Variants in KCNC2 observed in about 807,000 individuals in gnomAD.
The protein encoded by KCNC2 is potassium voltage-gated channel subfamily C member 2.
Under a neutral mutation model 44.5 loss-of-function variants are expected in KCNC2, and 21 were observed. The observed-to-expected ratio is 0.47, with a 90% CI of 0.33 to 0.68. The LOEUF (loss-of-function observed/expected upper bound fraction) is 0.68. Ranked by LOEUF, KCNC2 falls within the 30% of genes least tolerant of loss-of-function variation. The pLI is 0.01. For missense variants in KCNC2, 589 were observed against 826.2 expected (o/e 0.71, Z 3.52); for synonymous variants, 391 against 339.1 (o/e 1.15, Z -1.68).
intron 4 of KCNC2, 106 bp downstream of exon 4, chr12:75,048,047 G>C (rs1353706565): frequency 1.0e-6 from 1 of 964,688 alleles, no homozygotes; most frequent in African/African-American, 1.7e-5. Context: ...AGCACTGTAC[G>C]CAGTCTTTCC....
chr12:75,145,610 T>A (rs1245662975), intron 2 of KCNC2, among the ~76,000 whole-genome samples: 1 of 152,136 alleles, frequency 6.6e-6, no homozygotes, highest in East Asian at 1.9e-4. Flanking sequence ...GTTTTTCTCA[T>A]ATTTATTTTC....
intron 2 of KCNC2, among the ~76,000 whole-genome samples, chr12:75,094,074 G>C (rs1288119407): frequency 6.6e-6 from 1 of 151,606 alleles, no homozygotes; most frequent in African/African-American, 2.4e-5. Context: ...TCCCCTTTGG[G>C]TTGAGATTCA....
At chr12:75,162,072 T>C (rs1299659941) in intron 2 of KCNC2, among the ~76,000 whole-genome samples, 1 of 151,650 alleles carries the variant, frequency 6.6e-6, no homozygotes, top group African/African-American at 2.4e-5. Flanking sequence ...TATAAACAAA[T>C]AAACAAAGAC....
At chr12:75,043,643 CTT>C in intron 4 of KCNC2, 2 of 1,257,554 alleles carry the variant, frequency 1.6e-6, no homozygotes, top group Non-Finnish European at 2.0e-6. Context: ...TACTTTTTCT[CTT>C]TTCATTTTTT....
rs1313923420 is a variant in KCNC2 at position 75,042,359 on chromosome 12, A to G, written c.*746T>C. 1 of 1,612,194 alleles carries G rather than the reference A, an allele frequency of 6.2e-7. No homozygotes were observed. ...GGCTTGCGTGTAACCAGTAATGACA[A>G]CCTCTTTGCAGTTATCTGTGTGCAA... On this transcript the variant is annotated 3_prime_UTR_variant, in exon 5 of 5. Transcript: ENST00000549446.
At chr12:75,156,110 G>A (rs1250649025) in intron 2 of KCNC2, among the ~76,000 whole-genome samples, 1 of 151,764 alleles carries the variant, frequency 6.6e-6, no homozygotes, top group East Asian at 1.9e-4. Flanking sequence ...AGATATCACA[G>A]CCCAAAGAGT....
chr12:75,167,345 G>A (rs1438983909), intron 2 of KCNC2, among the ~76,000 whole-genome samples: 3 of 150,740 alleles, frequency 2.0e-5, no homozygotes, highest in Non-Finnish European at 4.5e-5. Context: ...AATTACTTTT[G>A]TAAATACTTC....
chr12:75,097,588 A>T (rs1358810087), intron 2 of KCNC2, among the ~76,000 whole-genome samples: 3 of 152,132 alleles, frequency 2.0e-5, no homozygotes, highest in Non-Finnish European at 2.9e-5. Context: ...ATTACAAAAA[A>T]TAAATTTTCT....
intron 2 of KCNC2, among the ~76,000 whole-genome samples, chr12:75,106,896 T>C (rs562270133): frequency 6.6e-6 from 1 of 152,342 alleles, no homozygotes; most frequent in African/African-American, 2.4e-5. Flanking sequence ...AAGCCAATAT[T>C]AGTCAAGCAT....
Position 75,041,057 on chromosome 12 carries a change from T to G in KCNC2, c.*2048A>C. The G allele has an allele frequency of 6.7e-7, 1 of 1,503,032 alleles. No homozygotes were observed. The highest frequency in any genetic ancestry group is 1.1e-5 in the South Asian group (1 of 89,020). The allele number at this position is 1,503,032 out of a possible 1,614,324, so 93.1% of individuals were successfully genotyped here. A position where few individuals can be genotyped will look rare whatever the true frequency, so the allele number is the denominator to read the frequency against. ...TCTTTTATAAGCTTTAAGTGCCTCA[T>G]GAAGACGCGAGGATCTCTTCCAAGT... On this transcript the variant is annotated 3_prime_UTR_variant, in exon 5 of 5. Coordinates refer to ENST00000549446, the MANE Select transcript of KCNC2 (RefSeq NM_139137.4).
intron 2 of KCNC2, among the ~76,000 whole-genome samples, chr12:75,121,328 T>C (rs1888031639): frequency 6.6e-6 from 1 of 152,320 alleles, no homozygotes; most frequent in Admixed American, 6.5e-5. Context: ...TAAGTCCTCT[T>C]TTTCATTCTG....
At chr12:75,116,847 C>T (rs1887694812) in intron 2 of KCNC2, among the ~76,000 whole-genome samples, 1 of 152,168 alleles carries the variant, frequency 6.6e-6, no homozygotes, top group African/African-American at 2.4e-5. Context: ...GTTGATGCAA[C>T]TAATTCCCTG....
intron 2 of KCNC2, among the ~76,000 whole-genome samples, chr12:75,092,874 T>G (rs1885603526): frequency 6.6e-6 from 1 of 151,604 alleles, no homozygotes. Context: ...AAGCCTAATA[T>G]GTGGATAAGC....
At chr12:75,191,939 T>C (rs1269743517) in intron 2 of KCNC2, among the ~76,000 whole-genome samples, 3 of 152,188 alleles carry the variant, frequency 2.0e-5, no homozygotes, top group Non-Finnish European at 2.9e-5. Flanking sequence ...TCTATAATAT[T>C]ATAAATGAAG....
intron 2 of KCNC2, among the ~76,000 whole-genome samples, chr12:75,172,807 A>G (rs988183794): frequency 1.3e-5 from 2 of 151,878 alleles, no homozygotes; most frequent in African/African-American, 4.8e-5. Context: ...ATTCTATAAG[A>G]TCACAACTTG....
intron 2 of KCNC2, among the ~76,000 whole-genome samples, chr12:75,158,171 T>C (rs929493280): frequency 1.3e-5 from 2 of 152,048 alleles, no homozygotes; most frequent in South Asian, 4.1e-4. Context: ...ATTTGTTTTC[T>C]GAATAAGGCT....
intron 2 of KCNC2, among the ~76,000 whole-genome samples, chr12:75,102,809 TC>T (rs374932883): frequency 2.0e-5 from 3 of 151,352 alleles, no homozygotes; most frequent in South Asian, 2.1e-4. Context: ...AGAATACATC[TC>T]CCCCCCACCC....
chr12:75,101,815 C>T (rs1200788184), intron 2 of KCNC2, among the ~76,000 whole-genome samples: 2 of 152,048 alleles, frequency 1.3e-5, no homozygotes. Context: ...TATATACATT[C>T]CTCTGTGGCT....
At chr12:75,149,147 C>T (rs921670131) in intron 2 of KCNC2, among the ~76,000 whole-genome samples, 2 of 151,760 alleles carry the variant, frequency 1.3e-5, no homozygotes, top group African/African-American at 4.8e-5. Context: ...AAATCTCTAT[C>T]CAGTCATTTA....
Sources: gnomAD v4.1 joint callset for allele counts (sites outside exome capture counted in the v4.1 genomes callset) on GRCh38, gnomAD v4.1.1 for gene constraint, MANE v1.5 for transcripts, NCBI Gene and HGNC (gene_info 2026-07-23, HGNC 2026-07-21) for gene names.